CR1: variants seen among roughly 807,000 people sequenced by gnomAD.
The protein encoded by CR1 is complement C3b/C4b receptor 1 (Knops blood group).
Under a neutral mutation model 187.3 loss-of-function variants are expected in CR1, and 116 were observed. That is an observed-to-expected ratio of 0.62 (90% CI 0.53 to 0.72). The LOEUF is 0.72. Among genes scored for constraint, CR1 ranks in the 30% least tolerant of loss-of-function variants. The probability of loss-of-function intolerance (pLI) is 0.00; values close to 1 mark genes in which losing one functional copy is unlikely to be tolerated. For synonymous variants in CR1, 576 were observed against 747.1 expected, an observed-to-expected ratio of 0.77 and a Z score of 3.73; for missense variants, 1,731 against 2,110.7, an observed-to-expected ratio of 0.82 and a Z score of 3.52.
chr1:207,520,086 A>G (rs1229675024), intron 4 of CR1, among the ~76,000 whole-genome samples: 3 of 152,228 alleles, frequency 2.0e-5, no homozygotes, highest in Non-Finnish European at 4.4e-5. Context: ...ATTTATATTT[A>G]CACCTTAGTG....
chr1:207,630,486 CA>C, intron 45 of CR1, 30 bp from the exon 46 acceptor site: 1 of 1,379,054 alleles, frequency 7.3e-7, no homozygotes, highest in East Asian at 2.3e-5. Flanking sequence ...ATGATTAAGA[CA>C]GTTTTTCTAT....
At chr1:207,584,508 A>C (rs1482207316) in intron 32 of CR1, 141 bp from the exon 33 acceptor site, 3 of 1,029,918 alleles carry the variant, frequency 2.9e-6, no homozygotes, top group African/African-American at 1.6e-5. Flanking sequence ...GGCCTAATAC[A>C]TTTATTTTGC....
At chr1:207,583,804 C>T (rs1444399957) in intron 32 of CR1, among the ~76,000 whole-genome samples, 1 of 152,060 alleles carries the variant, frequency 6.6e-6, no homozygotes, top group Non-Finnish European at 1.5e-5. Context: ...AGAAAATACC[C>T]TCATGAACCC....
chr1:207,563,787 T>C, intron 21 of CR1, 77 bp from the exon 22 acceptor site: 3 of 844,344 alleles, frequency 3.6e-6, no homozygotes, highest in East Asian at 3.0e-5. Context: ...TCGTAATTAT[T>C]ATTCCCTTGG....
intron 42 of CR1, 22 bp from the exon 43 acceptor site, chr1:207,619,858 T>G: frequency 6.5e-7 from 1 of 1,545,500 alleles, no homozygotes; most frequent in African/African-American, 1.4e-5. Flanking sequence ...TATCAATTTC[T>G]TTCTGATTTG....
At chr1:207,575,883 T>G (rs1426545264) in intron 28 of CR1, among the ~76,000 whole-genome samples, 2 of 152,212 alleles carry the variant, frequency 1.3e-5, no homozygotes, top group African/African-American at 4.8e-5. Flanking sequence ...TATCTCAGTC[T>G]AATGTATTTT....
rs572970505 is a variant in CR1, at chr1:207,564,494, G to A, written c.3866+260G>A. Among the ~76,000 whole-genome samples the A allele has an allele frequency of 1.1e-4, 16 of 150,294 alleles. No homozygotes were observed. The South Asian group carries it at 3.3e-3, about 31-fold the overall frequency. On this transcript the variant is annotated intron_variant, in intron 23 of 46. Coordinates refer to ENST00000367049, the MANE Select transcript of CR1 (RefSeq NM_000651.6). ...ATAACTAGTGGTTATGAATATATAG[G>A]TAACACATTAAGCAAAAAATATCAG...
intron 23 of CR1, among the ~76,000 whole-genome samples, 155 bp from the exon 24 acceptor site, chr1:207,565,683 G>T (rs899705229): frequency 6.7e-6 from 1 of 150,134 alleles, no homozygotes; most frequent in Non-Finnish European, 1.5e-5. Flanking sequence ...CCTTCTGGAG[G>T]CTGTGATTTT....
chr1:207,512,297 C>G (rs1219362996), intron 4 of CR1, among the ~76,000 whole-genome samples: 2 of 152,046 alleles, frequency 1.3e-5, no homozygotes, highest in African/African-American at 2.4e-5. Flanking sequence ...AAAGAATTCC[C>G]TAAGAAACAT....
chr1:207,601,214 C>T (rs111916928), intron 35 of CR1, among the ~76,000 whole-genome samples: 5,414 of 151,966 alleles, frequency 0.036, 315 homozygotes, highest in African/African-American at 0.12. Flanking sequence ...TATAAATATA[C>T]AAGAATGAGA....
chr1:207,520,912 T>C (rs1443091271), intron 4 of CR1, among the ~76,000 whole-genome samples: 1 of 151,650 alleles, frequency 6.6e-6, no homozygotes, highest in African/African-American at 2.4e-5. Flanking sequence ...TTGTGTTGTG[T>C]CTAGGTAAGA....
intron 1 of CR1, among the ~76,000 whole-genome samples, chr1:207,500,122 C>T (rs1659220853): frequency 6.6e-6 from 1 of 152,172 alleles, no homozygotes; most frequent in Non-Finnish European, 1.5e-5. Context: ...ATAAGCTTTA[C>T]ATTCACTATT....
At chr1:207,624,088 G>T (rs1662408372) in intron 45 of CR1, among the ~76,000 whole-genome samples, 1 of 151,554 alleles carries the variant, frequency 6.6e-6, no homozygotes, top group Non-Finnish European at 1.5e-5. Context: ...ACTACACCAG[G>T]CTATTTTTTG....
intron 43 of CR1, among the ~76,000 whole-genome samples, chr1:207,621,587 A>C (rs1241517850): frequency 6.6e-6 from 1 of 152,170 alleles, no homozygotes; most frequent in Non-Finnish European, 1.5e-5. Flanking sequence ...ATACACTATG[A>C]TGCATCTACT....
intron 35 of CR1, among the ~76,000 whole-genome samples, chr1:207,595,225 A>G (rs1333233755): frequency 4.6e-5 from 7 of 151,954 alleles, no homozygotes. Context: ...TTGAAATGAC[A>G]CATATATACA....
chr1:207,605,708 T>G (rs1340384574), intron 35 of CR1, among the ~76,000 whole-genome samples: 1 of 152,186 alleles, frequency 6.6e-6, no homozygotes, highest in Non-Finnish European at 1.5e-5. Context: ...AAAACACAGG[T>G]AATAATGGGA....
chr1:207,576,775 G>A (rs1210615970), intron 28 of CR1, among the ~76,000 whole-genome samples: 4 of 152,076 alleles, frequency 2.6e-5, no homozygotes, highest in Admixed American at 6.5e-5. Context: ...AGCCATGATC[G>A]TGCCACTGCA....
chr1:207,613,113 AGTT>A (rs1661985823), intron 39 of CR1, among the ~76,000 whole-genome samples: 1 of 152,074 alleles, frequency 6.6e-6, no homozygotes, highest in Non-Finnish European at 1.5e-5. Flanking sequence ...GTGGGTCCTG[AGTT>A]GTTGTCCCGC....
chr1:207,621,588 T>C (rs1190724764), intron 43 of CR1, among the ~76,000 whole-genome samples: 48 of 152,220 alleles, frequency 3.2e-4, no homozygotes, highest in Admixed American at 3.1e-3. Context: ...TACACTATGA[T>C]GCATCTACTA....
Sources: allele counts gnomAD v4.1 joint callset (sites outside exome capture counted in the v4.1 genomes callset), GRCh38; gene constraint gnomAD v4.1.1; transcripts MANE v1.5; gene names NCBI Gene and HGNC (gene_info 2026-07-23, HGNC 2026-07-21).